The following NELL1 variants were observed in gnomAD, a reference collection of about 807,000 sequenced individuals.
NELL1 encodes neural EGFL like 1, also known as protein kinase C-binding protein NELL1.
Under a neutral mutation model 107.4 loss-of-function variants are expected in NELL1, and 76 were observed. The ratio of observed to expected loss-of-function variants is 0.71; its 90% CI spans 0.59 to 0.86. The LOEUF (loss-of-function observed/expected upper bound fraction) is 0.86. Among genes scored for constraint, NELL1 ranks in the 40% least tolerant of loss-of-function variants. The pLI, the probability that NELL1 is intolerant of heterozygous loss-of-function variation, is 0.00. For missense variants in NELL1, 1,024 were observed against 1,005.5 expected, an observed-to-expected ratio of 1.02 and a Z score of -0.25; for synonymous variants, 353 against 341.2, an observed-to-expected ratio of 1.03 and a Z score of -0.38.
rs548693614 is a variant in NELL1 at position 20,813,878 on chromosome 11, C to T, written c.335+30048C>T. On this transcript the variant is annotated intron_variant, in intron 3 of 19. Coordinates refer to ENST00000357134, the MANE Select transcript of NELL1 (RefSeq NM_006157.5). Reference sequence around the variant, plus strand: ...TCCTTAGTATCTATTAATAATTTTACCTTCATTCTCTAATTTTGTCTTTAT... The same window carrying T: ...TCCTTAGTATCTATTAATAATTTTATCTTCATTCTCTAATTTTGTCTTTAT... Among the ~76,000 whole-genome samples, 6 of 152,016 alleles carry T rather than the reference C, an allele frequency of 3.9e-5. No individual in the cohort carries two copies. In the East Asian group the frequency reaches 9.7e-4, roughly 24 times the overall value.
chr11:20,960,465 G>C lies in NELL1; in HGVS notation c.1205G>C (p.Gly402Ala). ...TTTTGTGCAGAAGGACCTAAATGTG[G>C]TGAAAACTCAGAGTGCAAAAACTGG... ...HNFCAEGPKCGENSECKNWNT... is the reference protein window; with the variant it reads ...HNFCAEGPKCAENSECKNWNT... Residue 402 changes from glycine to alanine, a missense_variant, in exon 12 of 20, where the codon GGT (glycine) becomes GCT (alanine). Transcript: ENST00000357134. 1 of 1,613,906 alleles carries C rather than the reference G, an allele frequency of 6.2e-7. No homozygotes were observed. The highest frequency in any genetic ancestry group is 8.5e-7 in the Non-Finnish European group (1 of 1,179,862).
intron 14 of NELL1, among the ~76,000 whole-genome samples, chr11:21,338,837 G>A (rs1565176131): frequency 1.3e-5 from 2 of 152,180 alleles, no homozygotes; most frequent in Non-Finnish European, 1.5e-5. Context: ...GAGGAGCAGA[G>A]ATTGGTCTCA....
chr11:20,951,972 C>A (rs1366469264), intron 11 of NELL1, among the ~76,000 whole-genome samples: 2 of 151,826 alleles, frequency 1.3e-5, no homozygotes, highest in Non-Finnish European at 2.9e-5. Context: ...TGGGCTCCTG[C>A]CTGGGAAGAA....
intron 12 of NELL1, among the ~76,000 whole-genome samples, chr11:20,961,301 A>G (rs1851285590): frequency 1.3e-5 from 2 of 152,158 alleles, no homozygotes; most frequent in South Asian, 4.1e-4. Flanking sequence ...CCTGGTCTGT[A>G]TGTATAGTAC....
chr11:21,319,747 A>G (rs960212562), intron 14 of NELL1, among the ~76,000 whole-genome samples: 2 of 151,732 alleles, frequency 1.3e-5, no homozygotes, highest in Admixed American at 1.3e-4. Flanking sequence ...CAGGAGATTG[A>G]GATCATCCTG....
At chr11:20,864,570 C>T (rs1849059438) in intron 4 of NELL1, among the ~76,000 whole-genome samples, 1 of 152,196 alleles carries the variant, frequency 6.6e-6, no homozygotes. Context: ...TGCCTCCTGC[C>T]TCCATAGGCC....
chr11:21,003,336 T>C (rs1473807318), intron 12 of NELL1, among the ~76,000 whole-genome samples: 1 of 152,174 alleles, frequency 6.6e-6, no homozygotes, highest in Non-Finnish European at 1.5e-5. Context: ...AACAACTACC[T>C]CTGAATCAAG....
At chr11:21,406,884 A>G (rs533748909) in intron 15 of NELL1, among the ~76,000 whole-genome samples, 7 of 152,020 alleles carry the variant, frequency 4.6e-5, no homozygotes, top group Non-Finnish European at 8.8e-5. Flanking sequence ...ATTGTTAACT[A>G]TAGTCACTCT....
intron 4 of NELL1, among the ~76,000 whole-genome samples, chr11:20,868,419 A>G (rs1849134452): frequency 6.6e-6 from 1 of 152,192 alleles, no homozygotes; most frequent in Non-Finnish European, 1.5e-5. Context: ...TAATGGTTAT[A>G]GGGTTTCTGT....
intron 15 of NELL1, among the ~76,000 whole-genome samples, chr11:21,493,176 A>G (rs1265421370): frequency 6.6e-6 from 1 of 152,108 alleles, no homozygotes; most frequent in South Asian, 2.1e-4. Flanking sequence ...AGAACAGTAC[A>G]CTTTCCTCAA....
intron 14 of NELL1, among the ~76,000 whole-genome samples, chr11:21,269,842 A>G (rs1848705866): frequency 6.6e-6 from 1 of 152,170 alleles, no homozygotes; most frequent in African/African-American, 2.4e-5. Context: ...AATCATAGCA[A>G]CAATGTATTC....
intron 14 of NELL1, among the ~76,000 whole-genome samples, chr11:21,313,854 A>C (rs115510936): frequency 0.024 from 3,626 of 152,088 alleles, 146 homozygotes; most frequent in African/African-American, 0.084. Flanking sequence ...GTATTGGAGG[A>C]GGGGCCTGGT....
chr11:21,535,838 C>G (rs1564947126), intron 16 of NELL1, among the ~76,000 whole-genome samples: 1 of 152,164 alleles, frequency 6.6e-6, no homozygotes, highest in Non-Finnish European at 1.5e-5. Context: ...ACCCCATACT[C>G]TGTTCATATT....
At chr11:21,546,640 T>C (rs924848271) in intron 16 of NELL1, among the ~76,000 whole-genome samples, 3 of 152,010 alleles carry the variant, frequency 2.0e-5, no homozygotes, top group Non-Finnish European at 2.9e-5. Flanking sequence ...GCCTTTGCTC[T>C]TCCTTTGCCT....
At chr11:21,099,472 C>T (rs970357035) in intron 12 of NELL1, among the ~76,000 whole-genome samples, 5 of 152,060 alleles carry the variant, frequency 3.3e-5, no homozygotes, top group East Asian at 1.9e-4. Context: ...TAATCACTGA[C>T]GGGTGGCAAC....
intron 15 of NELL1, among the ~76,000 whole-genome samples, chr11:21,455,859 C>G (rs1186279226): frequency 7.4e-6 from 1 of 135,526 alleles, no homozygotes; most frequent in Non-Finnish European, 1.5e-5. Context: ...TCTTTTCTTA[C>G]TTTCTTCTTT....
intron 12 of NELL1, among the ~76,000 whole-genome samples, chr11:21,057,866 C>G (rs965667654): frequency 2.6e-5 from 4 of 151,928 alleles, no homozygotes; most frequent in Admixed American, 6.6e-5. Flanking sequence ...AAAATTAATA[C>G]TAGAATTATT....
intron 2 of NELL1, among the ~76,000 whole-genome samples, chr11:20,724,083 C>T (rs1855455286): frequency 8.2e-6 from 1 of 122,658 alleles, no homozygotes; most frequent in African/African-American, 2.7e-5. Context: ...CCTGAGGCTG[C>T]ACAGAGCAGC....
rs140148541 is a variant in NELL1, at chr11:20,677,978, C to T, written c.102C>T (p.Thr34=). The T allele has an allele frequency of 4.2e-5, 67 of 1,613,990 alleles. No individual in the cohort carries two copies. The highest frequency in any genetic ancestry group is 7.7e-5 in the South Asian group (7 of 91,070). ...MDPDLQMDIV[T]ELDLVNTTLG... ...CTGACCTTCAGATGGATATCGTCACCGAGCTTGACCTTGTGAACACCACCC... is the reference window on the plus strand; with the variant it reads ...CTGACCTTCAGATGGATATCGTCACTGAGCTTGACCTTGTGAACACCACCC... Residue 34 remains threonine, a synonymous_variant, in exon 2 of 20, where the codon ACC becomes ACT. Coordinates refer to ENST00000357134, the MANE Select transcript of NELL1 (RefSeq NM_006157.5).
Sources: allele counts gnomAD v4.1 joint callset (sites outside exome capture counted in the v4.1 genomes callset), GRCh38; gene constraint gnomAD v4.1.1; transcripts MANE v1.5; gene names NCBI Gene and HGNC (gene_info 2026-07-23, HGNC 2026-07-21).